TSPAN8: variants seen among roughly 807,000 people sequenced by gnomAD.
TSPAN8 encodes tetraspanin 8, also known as tetraspanin-8.
In TSPAN8, 21 loss-of-function variants were observed where a neutral mutation model predicts 32.8. The observed-to-expected ratio is 0.64, with a 90% CI of 0.45 to 0.92. The LOEUF (loss-of-function observed/expected upper bound fraction) is 0.92. TSPAN8 is among the 40% of genes least tolerant of loss of function. The pLI is 0.00. For synonymous variants in TSPAN8, 95 were observed against 94.6 expected, an observed-to-expected ratio of 1.00 and a Z score of -0.03; for missense variants, 269 against 281.9, an observed-to-expected ratio of 0.95 and a Z score of 0.33.
chr12:71,136,493 T>C (rs1366027879), intron 6 of TSPAN8, among the ~76,000 whole-genome samples: 1 of 152,188 alleles, frequency 6.6e-6, no homozygotes, highest in Non-Finnish European at 1.5e-5. Flanking sequence ...ATGACATGCA[T>C]ATATTCAGAA....
chr12:71,152,952 C>T (rs549657366), intron 2 of TSPAN8, among the ~76,000 whole-genome samples: 3 of 152,308 alleles, frequency 2.0e-5, no homozygotes, highest in South Asian at 2.1e-4. Flanking sequence ...CTTCTTTCTG[C>T]GCTCTTCAAA....
intron 2 of TSPAN8, among the ~76,000 whole-genome samples, chr12:71,151,294 A>C (rs1211549696): frequency 6.6e-6 from 1 of 152,056 alleles, no homozygotes. Flanking sequence ...CGATCTCCTG[A>C]CCTTGTGATC....
At chr12:71,132,611 A>AT in intron 7 of TSPAN8, 82 bp downstream of exon 7, 2 of 1,494,198 alleles carry the variant, frequency 1.3e-6, no homozygotes, top group South Asian at 1.2e-5. Flanking sequence ...TACTCCATGC[A>AT]TTTTAATTTT....
chr12:71,140,002 C>T (rs1362481212), intron 3 of TSPAN8, among the ~76,000 whole-genome samples, 154 bp from the exon 4 acceptor site: 1 of 63,958 alleles, frequency 1.6e-5, no homozygotes, highest in African/African-American at 7.5e-5. Context: ...AATCCTTGCC[C>T]TCATGGAGCT....
chr12:71,150,756 T>C (rs1036064109), intron 2 of TSPAN8, among the ~76,000 whole-genome samples: 4 of 152,194 alleles, frequency 2.6e-5, no homozygotes, highest in Non-Finnish European at 5.9e-5. Context: ...AACTGAATCA[T>C]GCGGGTGGTT....
In TSPAN8 at chr12:71,157,708, G is replaced by A. The variant is rs759040060; in HGVS notation, c.-30C>T. 3.0e-5 allele frequency: 47 copies of A among 1,577,520 alleles called. No individual in the cohort carries two copies. The highest frequency in any genetic ancestry group is 5.0e-5 in the Admixed American group (3 of 59,898). Reference sequence around the variant, plus strand: ...GAAAAGGATTAGGAATCCAGATGCCGTGAATTTAACTATTCGTTACAGGCT... The same window carrying A: ...GAAAAGGATTAGGAATCCAGATGCCATGAATTTAACTATTCGTTACAGGCT... On this transcript the variant is annotated 5_prime_UTR_variant, in exon 2 of 9. In the 5' UTR this introduces an upstream ATG that the reference lacks. Transcript: ENST00000247829.
intron 2 of TSPAN8, among the ~76,000 whole-genome samples, chr12:71,154,631 A>T (rs965079667): frequency 2.0e-5 from 3 of 152,168 alleles, no homozygotes; most frequent in Non-Finnish European, 4.4e-5. Flanking sequence ...CATTATTTGA[A>T]GATTGCTACT....
chr12:71,125,587 G>A (rs1469085123), intron 8 of TSPAN8, among the ~76,000 whole-genome samples, 200 bp from the exon 9 acceptor site: 1 of 152,008 alleles, frequency 6.6e-6, no homozygotes, highest in African/African-American at 2.4e-5. Context: ...TTTTTTTTGT[G>A]TTTTAATCAG....
rs369957670 is a variant in TSPAN8 at position 71,152,897 on chromosome 12, G to C, written c.60+4722C>G. ...ACATCCAATCTCAATAAAATACAAT[G>C]ATGAATATCGAAATGCTGGATCCTG... On this transcript the variant is annotated intron_variant, in intron 2 of 8. Coordinates refer to ENST00000247829, the MANE Select transcript of TSPAN8 (RefSeq NM_004616.3). Among the ~76,000 whole-genome samples the C allele has an allele frequency of 1.5e-3, 228 of 152,256 alleles. 1 individual carries two copies. Among genetic ancestry groups the C allele is most frequent in the Middle Eastern group, 0.01 (3 of 294 alleles).
rs987800945 is a variant in TSPAN8, at chr12:71,151,127, G to A, written c.60+6492C>T. 6.0e-5 allele frequency among the ~76,000 whole-genome samples: 9 copies of A among 150,780 alleles called. No individual in the cohort carries two copies. In the South Asian group the frequency reaches 1.1e-3, roughly 18 times the overall value. ...CACCCAGGCTGGAGTGCAGTGGCGCGATCTTGGCTCACTACAAGCTCCGCC... is the reference window on the plus strand; with the variant it reads ...CACCCAGGCTGGAGTGCAGTGGCGCAATCTTGGCTCACTACAAGCTCCGCC... On this transcript the variant is annotated intron_variant, in intron 2 of 8. Coordinates refer to ENST00000247829, the MANE Select transcript of TSPAN8 (RefSeq NM_004616.3).
At position 71,139,727 on chromosome 12, in the gene TSPAN8, C is replaced by A; in HGVS notation, c.245G>T (p.Arg82Leu). The A allele has an allele frequency of 6.2e-7, 1 of 1,613,528 alleles. No individual in the cohort carries two copies. The highest frequency in any genetic ancestry group is 8.5e-7 in the Non-Finnish European group (1 of 1,179,678). ...AGAACTCACCAACAGAAGCATGCAG[C>A]GACTTTCTTTTATAGCACCGCAGCA... ...LGCCGAIKES[R>L]CMLLLFFIGL... The change falls in exon 4 of 9, where the codon CGC becomes CTC. Residue 82 changes from arginine (R) to leucine (L), a missense_variant. Transcript: ENST00000247829.
At chr12:71,138,278 A>G in intron 4 of TSPAN8, 48 bp from the exon 5 acceptor site, 1 of 1,529,270 alleles carries the variant, frequency 6.5e-7, no homozygotes, top group Non-Finnish European at 9.0e-7. Flanking sequence ...GCATTCAGTA[A>G]CATCTGGGGA....
intron 2 of TSPAN8, among the ~76,000 whole-genome samples, chr12:71,155,917 G>C (rs1285306251): frequency 1.3e-5 from 2 of 151,850 alleles, no homozygotes; most frequent in African/African-American, 4.8e-5. Flanking sequence ...ATTTTTAGTA[G>C]AGGCAGGGTT....
chr12:71,157,518 CT>C, intron 2 of TSPAN8, 100 bp downstream of exon 2: 1 of 787,136 alleles, frequency 1.3e-6, no homozygotes, highest in Non-Finnish European at 2.1e-6. Flanking sequence ...CATTTTCCCC[CT>C]TCTCTTATTT....
chr12:71,154,003 T>C (rs1394785741), intron 2 of TSPAN8, among the ~76,000 whole-genome samples: 1 of 152,060 alleles, frequency 6.6e-6, no homozygotes, highest in African/African-American at 2.4e-5. Context: ...ACAGATAATG[T>C]AACCATAAAA....
chr12:71,140,986 G>C (rs1313579648), intron 3 of TSPAN8, among the ~76,000 whole-genome samples: 1 of 152,106 alleles, frequency 6.6e-6, no homozygotes, highest in South Asian at 2.1e-4. Context: ...GTTTCTCAAG[G>C]CTTTTTAAAT....
At position 71,147,354 on chromosome 12, in the gene TSPAN8, T is replaced by C. The variant is rs1322302479; in HGVS notation, c.61-3141A>G. On this transcript the variant is annotated intron_variant, in intron 2 of 8. Coordinates refer to ENST00000247829, the MANE Select transcript of TSPAN8 (RefSeq NM_004616.3). ...TTATTTGGTGTTTATTGAAGTATGT[T>C]TGGAGAATGCTGAAAATGCTGTGTT... is the stretch of plus-strand genomic sequence containing the variant. Among the ~76,000 whole-genome samples, 3 of 152,178 alleles carry C rather than the reference T, an allele frequency of 2.0e-5. No homozygotes were observed. The East Asian group carries it at 5.8e-4, about 29-fold the overall frequency.
At chr12:71,128,355 C>T (rs553386200) in intron 8 of TSPAN8, among the ~76,000 whole-genome samples, 115 of 152,164 alleles carry the variant, frequency 7.6e-4, no homozygotes, top group African/African-American at 2.2e-3. Flanking sequence ...TGATGTGGCA[C>T]GAGTAAGAGG....
At chr12:71,133,630 G>A (rs566889847) in intron 6 of TSPAN8, among the ~76,000 whole-genome samples, 1 of 152,222 alleles carries the variant, frequency 6.6e-6, no homozygotes, top group East Asian at 1.9e-4. Context: ...TGAATTTTAT[G>A]AACATCTTTA....
Sources: allele counts gnomAD v4.1 joint callset (sites outside exome capture counted in the v4.1 genomes callset), GRCh38; gene constraint gnomAD v4.1.1; transcripts MANE v1.5; gene names NCBI Gene and HGNC (gene_info 2026-07-23, HGNC 2026-07-21).